DCUN1D4: variants seen among roughly 807,000 people sequenced by gnomAD.
DCUN1D4 encodes DCN1-like protein 4.
In DCUN1D4, 22 loss-of-function variants were observed where a neutral mutation model predicts 47.9. The ratio of observed to expected loss-of-function variants is 0.46; its 90% CI spans 0.33 to 0.66. The LOEUF is 0.66. Among genes scored for constraint, DCUN1D4 ranks in the 30% least tolerant of loss-of-function variants. The probability of loss-of-function intolerance (pLI) is 0.02; values close to 1 mark genes in which losing one functional copy is unlikely to be tolerated. For missense variants in DCUN1D4, 301 were observed against 340.8 expected (o/e 0.88, Z 0.92); for synonymous variants, 121 against 112.2 (o/e 1.08, Z -0.50).
At chr4:51,834,114 C>CTTTTTTT in the DCUN1D4 span, among the ~76,000 whole-genome samples, 45 of 37,196 alleles carry the variant, frequency 1.2e-3, 4 homozygotes, top group African/African-American at 1.9e-3. Context: ...TTTTTTTTTT[C>CTTTTTTT]TTTTTTTTTT....
At chr4:51,887,345 C>T (rs1421461601) in intron 6 of DCUN1D4, 3 of 252,970 alleles carry the variant, frequency 1.2e-5, no homozygotes, top group Admixed American at 1.1e-4. Context: ...TGTGATCTGC[C>T]CGGCTCAGCC....
upstream of DCUN1D4, among the ~76,000 whole-genome samples, chr4:51,838,086 C>T (rs1221161221): frequency 6.6e-6 from 1 of 152,128 alleles, no homozygotes; most frequent in Non-Finnish European, 1.5e-5. Context: ...CCACAAGAAT[C>T]ACTTGAACTC....
rs1734343413 is a variant in DCUN1D4, at chr4:51,916,557, G to C, written c.*2973G>C. ...ATTTCATTGACCAACTAAAATGTTG[G>C]GTGTCTGTAAATGAGACCAAAACGT... On this transcript the variant is annotated 3_prime_UTR_variant, in exon 11 of 11. Coordinates refer to ENST00000334635, the MANE Select transcript of DCUN1D4 (RefSeq NM_001040402.3). The C allele has an allele frequency of 6.6e-6, 1 of 152,414 alleles. No individual in the cohort carries two copies. The highest frequency in any genetic ancestry group is 1.5e-5 in the Non-Finnish European group (1 of 67,970). The allele number at this position is 152,414 out of a possible 1,614,324, so 9.4% of individuals were successfully genotyped here.
In DCUN1D4 at chr4:51,913,575, G is replaced by A. The variant is rs777809965; in HGVS notation, c.870G>A (p.Gln290=). 4 of 1,612,788 alleles carry A rather than the reference G, an allele frequency of 2.5e-6. No homozygotes were observed. Among genetic ancestry groups the A allele is most frequent in the Middle Eastern group, 1.7e-4 (1 of 6,048 alleles). The change falls in exon 11 of 11, where the codon CAG becomes CAA. Residue 290 remains glutamine (Q), a synonymous_variant. Transcript: ENST00000334635. ...TTGTGGAGTGGTATAAAGACAAACA[G>A]ATGTCCTAGGACTTTATGCATAGCA... ...DEFVEWYKDK[Q]MS is the part of the protein sequence containing the mutation.
At chr4:51,848,483 G>T (rs1044024808) in intron 1 of DCUN1D4, 2 of 772,102 alleles carry the variant, frequency 2.6e-6, no homozygotes, top group Non-Finnish European at 3.2e-6. Context: ...ATCACTGAAA[G>T]TCTTTCTTCA....
chr4:51,872,572 A>G (rs577139363), intron 3 of DCUN1D4, among the ~76,000 whole-genome samples: 1 of 152,294 alleles, frequency 6.6e-6, no homozygotes, highest in South Asian at 2.1e-4. Context: ...TTTGGCTTCC[A>G]GGACATGACA....
chr4:51,866,045 C>T (rs1211901954), intron 3 of DCUN1D4, among the ~76,000 whole-genome samples: 1 of 152,132 alleles, frequency 6.6e-6, no homozygotes, highest in Non-Finnish European at 1.5e-5. Flanking sequence ...TCTCTCAGCA[C>T]TTAGATCAGG....
At chr4:51,866,401 GATGATGATGT>G (rs969148454) in intron 3 of DCUN1D4, among the ~76,000 whole-genome samples, 26 of 118,832 alleles carry the variant, frequency 2.2e-4, no homozygotes, top group African/African-American at 4.4e-4. Flanking sequence ...TGATGATGAT[GATGATGATGT>G]ATTTTTTCCT....
chr4:51,850,226 G>C (rs1200258141), intron 1 of DCUN1D4, among the ~76,000 whole-genome samples: 1 of 152,118 alleles, frequency 6.6e-6, no homozygotes, highest in Non-Finnish European at 1.5e-5. Context: ...GAAATCCAAA[G>C]AAAAACTATC....
At chr4:51,852,662 A>T (rs762468313) in intron 1 of DCUN1D4, among the ~76,000 whole-genome samples, 4 of 152,200 alleles carry the variant, frequency 2.6e-5, no homozygotes, top group African/African-American at 7.2e-5. Flanking sequence ...AATAATAGGG[A>T]TGAAAACAAT....
chr4:51,890,023 C>T (rs1304233003), intron 6 of DCUN1D4, among the ~76,000 whole-genome samples: 6 of 152,132 alleles, frequency 3.9e-5, no homozygotes, highest in East Asian at 1.9e-4. Flanking sequence ...CGTAGGTTCT[C>T]ACTGATATTA....
At chr4:51,839,392 G>C (rs1721576157), upstream of DCUN1D4, among the ~76,000 whole-genome samples, 1 of 152,140 alleles carries the variant, frequency 6.6e-6, no homozygotes, top group Non-Finnish European at 1.5e-5. Flanking sequence ...GTAGATTGGG[G>C]ATACTATTAG....
At chr4:51,898,845 G>A (rs1731673524) in intron 7 of DCUN1D4, among the ~76,000 whole-genome samples, 1 of 152,164 alleles carries the variant, frequency 6.6e-6, no homozygotes, top group African/African-American at 2.4e-5. Flanking sequence ...ATTGAAAACA[G>A]CAGCTATAAA....
chr4:51,843,269 T>C lies in DCUN1D4; in HGVS notation c.25+2T>C. 6.5e-7 allele frequency: 1 copy of C among 1,539,286 alleles called. No individual in the cohort carries two copies. Among genetic ancestry groups the C allele is most frequent in the East Asian group, 2.5e-5 (1 of 39,812 alleles). ...TGCACTCGGATGCCGCCGCTGTCAG[T>C]GAGTAGCAGAGAGCCAGCCAGCGGG... On this transcript the variant is annotated splice_donor_variant, in intron 1 of 10. Coordinates refer to ENST00000334635, the MANE Select transcript of DCUN1D4 (RefSeq NM_001040402.3). LOFTEE classifies it high-confidence loss of function.
At chr4:51,875,846 A>G (rs927638746) in intron 4 of DCUN1D4, among the ~76,000 whole-genome samples, 1 of 151,876 alleles carries the variant, frequency 6.6e-6, no homozygotes. Context: ...GTTCTTTTTT[A>G]TGTATTTTTG....
At chr4:51,860,682 C>G (rs1246035760) in intron 1 of DCUN1D4, 1 of 453,798 alleles carries the variant, frequency 2.2e-6, no homozygotes, top group African/African-American at 2.0e-5. Context: ...AGGTGCCACA[C>G]ACTTTTAAAT....
chr4:51,913,707 A>G lies in DCUN1D4; in HGVS notation c.*123A>G. The G allele has an allele frequency of 1.1e-6, 1 of 886,040 alleles. No individual in the cohort carries two copies. The highest frequency in any genetic ancestry group is 1.8e-6 in the Non-Finnish European group (1 of 559,130). The allele number at this position is 886,040 out of a possible 1,614,324, so 54.9% of individuals were successfully genotyped here. On this transcript the variant is annotated 3_prime_UTR_variant, in exon 11 of 11. Coordinates refer to ENST00000334635, the MANE Select transcript of DCUN1D4 (RefSeq NM_001040402.3). ...TGCACTGTTTCCCTTTCGCAGGGACATGTTGGTGTTTGCTATTGAATTGGC... is the reference window on the plus strand; with the variant it reads ...TGCACTGTTTCCCTTTCGCAGGGACGTGTTGGTGTTTGCTATTGAATTGGC...
intron 1 of DCUN1D4, among the ~76,000 whole-genome samples, chr4:51,852,268 C>T (rs544571086): frequency 1.3e-5 from 2 of 152,278 alleles, no homozygotes; most frequent in Admixed American, 1.3e-4. Flanking sequence ...ATACTCTTAA[C>T]TAATGAAATA....
intron 1 of DCUN1D4, among the ~76,000 whole-genome samples, chr4:51,855,219 A>C (rs980337035): frequency 4.6e-5 from 7 of 152,166 alleles, no homozygotes; most frequent in Admixed American, 6.5e-5. Flanking sequence ...CAGAAAGTAG[A>C]TTAGTGGTTG....
Sources: allele counts gnomAD v4.1 joint callset (sites outside exome capture counted in the v4.1 genomes callset), GRCh38; gene constraint gnomAD v4.1.1; transcripts MANE v1.5; gene names NCBI Gene and HGNC (gene_info 2026-07-23, HGNC 2026-07-21).